AFF2: variants seen among roughly 807,000 people sequenced by gnomAD.
AFF2 encodes the protein ALF transcription elongation factor 2.
In AFF2, 14 loss-of-function variants were observed where a neutral mutation model predicts 76.9. The ratio of observed to expected loss-of-function variants is 0.18; its 90% CI spans 0.12 to 0.28. The LOEUF (loss-of-function observed/expected upper bound fraction) is 0.28. Among genes scored for constraint, AFF2 ranks in the 10% least tolerant of loss-of-function variants. AFF2 has a pLI of 1.00. For missense variants in AFF2, 868 were observed against 1,001.1 expected (o/e 0.87, Z 1.79); for synonymous variants, 398 against 366.7 (o/e 1.09, Z -0.98).
intron 18 of AFF2, 35 bp from the exon 19 acceptor site, chrX:148,980,703 T>C (rs1557290772): frequency 8.9e-7 from 1 of 1,119,645 alleles, no homozygotes; most frequent in Non-Finnish European, 1.2e-6. Context: ...AAAATAGATG[T>C]CCTTATTTCC....
rs1052660914 is a variant in AFF2, at chrX:148,741,697, A to C, written c.1042-68179A>C. 1.1e-4 allele frequency among the ~76,000 whole-genome samples: 12 copies of C among 110,956 alleles called. No homozygotes were observed. The Admixed American group carries it at 1.1e-3, about 11-fold the overall frequency. ...TTCAAATTGTTACAAAGTCCAGCTA[A>C]AGAATTCCTTCTCCCTATGGAGTTT... On this transcript the variant is annotated intron_variant, in intron 3 of 20. Coordinates refer to ENST00000370460, the MANE Select transcript of AFF2 (RefSeq NM_002025.4).
chrX:148,931,070 T>C (rs1318617744), intron 9 of AFF2, among the ~76,000 whole-genome samples: 7 of 109,300 alleles, frequency 6.4e-5, no homozygotes, highest in African/African-American at 2.3e-4. Flanking sequence ...CTGGGTAACA[T>C]GGTGAAACCC....
intron 10 of AFF2, among the ~76,000 whole-genome samples, chrX:148,955,330 T>C (rs963326303): frequency 2.3e-4 from 26 of 112,891 alleles, no homozygotes; most frequent in Non-Finnish European, 5.6e-5. Flanking sequence ...ATAATTCTTT[T>C]CTTCCTGGCC....
chrX:148,847,754 G>A (rs1337424656), intron 7 of AFF2, among the ~76,000 whole-genome samples: 1 of 111,575 alleles, frequency 9.0e-6, no homozygotes, highest in African/African-American at 3.3e-5. Context: ...TCACAGGAAT[G>A]ACAGACACAA....
chrX:148,514,573 T>C (rs782020271), intron 1 of AFF2, among the ~76,000 whole-genome samples: 68 of 112,599 alleles, frequency 6.0e-4, no homozygotes, highest in African/African-American at 2.2e-3. Context: ...GTTGAATTGG[T>C]CTATGTGATG....
intron 3 of AFF2, among the ~76,000 whole-genome samples, chrX:148,747,085 C>T (rs1300800301): frequency 2.7e-5 from 3 of 111,814 alleles, no homozygotes; most frequent in East Asian, 2.8e-4. Flanking sequence ...GCTCTCCTGA[C>T]TCACACACCC....
At chrX:148,942,965 T>G (rs1262366569) in intron 9 of AFF2, among the ~76,000 whole-genome samples, 1 of 111,427 alleles carries the variant, frequency 9.0e-6, no homozygotes, top group Non-Finnish European at 1.9e-5. Context: ...AAGTTTCCAG[T>G]GGTGAGGAAG....
intron 16 of AFF2, among the ~76,000 whole-genome samples, chrX:148,977,720 A>G (rs1557290438): frequency 1.8e-5 from 2 of 109,557 alleles, no homozygotes; most frequent in East Asian, 5.7e-4. Context: ...CCAGAGTTCA[A>G]CTCTGTATTT....
intron 4 of AFF2, among the ~76,000 whole-genome samples, chrX:148,812,138 A>G (rs1283768861): frequency 9.0e-6 from 1 of 111,670 alleles, no homozygotes; most frequent in Non-Finnish European, 1.9e-5. Context: ...ACCACCTTGC[A>G]TGTCACAATA....
chrX:148,799,863 T>G (rs1004890338), intron 3 of AFF2, among the ~76,000 whole-genome samples: 5 of 110,950 alleles, frequency 4.5e-5, no homozygotes, highest in African/African-American at 1.6e-4. Flanking sequence ...TTCTTAACAT[T>G]TTTTTTTTAC....
At chrX:148,702,916 C>T (rs1206713950) in intron 3 of AFF2, among the ~76,000 whole-genome samples, 1 of 112,038 alleles carries the variant, frequency 8.9e-6, no homozygotes, top group East Asian at 2.8e-4. Flanking sequence ...AAACAAGCCC[C>T]TCTAGACTCA....
At chrX:148,688,989 A>G (rs782214889) in intron 3 of AFF2, among the ~76,000 whole-genome samples, 1 of 112,178 alleles carries the variant, frequency 8.9e-6, no homozygotes, top group Non-Finnish European at 1.9e-5. Flanking sequence ...TTGTTGTATT[A>G]GTTTGTTAGG....
chrX:148,647,583 C>T (rs1210655737), intron 1 of AFF2, among the ~76,000 whole-genome samples: 6 of 111,274 alleles, frequency 5.4e-5, no homozygotes, highest in Admixed American at 4.8e-4. Flanking sequence ...TAAAGTTTTT[C>T]CCTACTGCCA....
intron 3 of AFF2, among the ~76,000 whole-genome samples, chrX:148,693,014 G>A (rs889421576): frequency 9.0e-6 from 1 of 111,466 alleles, no homozygotes; most frequent in Non-Finnish European, 1.9e-5. Context: ...CACCTCCTGG[G>A]TTTACGCCAT....
intron 9 of AFF2, among the ~76,000 whole-genome samples, chrX:148,938,143 G>T (rs2071793839): frequency 8.9e-6 from 1 of 112,133 alleles, no homozygotes; most frequent in African/African-American, 3.2e-5. Context: ...CTCTGAGACT[G>T]TGTGGCAGAC....
intron 3 of AFF2, among the ~76,000 whole-genome samples, chrX:148,679,098 G>A (rs1349657865): frequency 1.8e-5 from 2 of 108,420 alleles, no homozygotes; most frequent in African/African-American, 3.4e-5. Flanking sequence ...ACCAGATTTC[G>A]TTTGTAGGTT....
At chrX:148,543,062 G>A (rs782480007) in intron 1 of AFF2, among the ~76,000 whole-genome samples, 1 of 111,564 alleles carries the variant, frequency 9.0e-6, no homozygotes, top group African/African-American at 3.3e-5. Flanking sequence ...TCCTCTAGAG[G>A]GCAGAGCCAG....
chrX:148,784,830 C>A (rs1164238595), intron 3 of AFF2, among the ~76,000 whole-genome samples: 1 of 111,003 alleles, frequency 9.0e-6, no homozygotes, highest in South Asian at 3.9e-4. Context: ...ACAGGTGCAC[C>A]GTGACTAATT....
intron 1 of AFF2, among the ~76,000 whole-genome samples, chrX:148,532,721 A>G (rs1179703612): frequency 8.9e-6 from 1 of 112,304 alleles, no homozygotes; most frequent in Non-Finnish European, 1.9e-5. Flanking sequence ...CTTCCACAGT[A>G]TATGGATGAG....
Sources: allele counts gnomAD v4.1 joint callset (sites outside exome capture counted in the v4.1 genomes callset), GRCh38; gene constraint gnomAD v4.1.1; transcripts MANE v1.5; gene names NCBI Gene and HGNC (gene_info 2026-07-23, HGNC 2026-07-21).